NEK11: variants seen among roughly 807,000 people sequenced by gnomAD.
NEK11 encodes the protein NIMA related kinase 11.
NEK11 carries 72 observed loss-of-function variants against 80.7 expected under a neutral mutation model. That is an observed-to-expected ratio of 0.89 (90% CI 0.74 to 1.08). The LOEUF is 1.08. Among genes scored for constraint, NEK11 ranks in the 50% least tolerant of loss-of-function variants. The probability of loss-of-function intolerance (pLI) is 0.00; values close to 1 mark genes in which losing one functional copy is unlikely to be tolerated. For synonymous variants in NEK11, 251 were observed against 260.7 expected (o/e 0.96, Z 0.36); for missense variants, 764 against 763.6 (o/e 1.00, Z -0.01).
chr3:131,046,940 T>C (rs2067489686), intron 3 of NEK11, among the ~76,000 whole-genome samples: 1 of 152,204 alleles, frequency 6.6e-6, no homozygotes, highest in African/African-American at 2.4e-5. Context: ...TATTCTTTGG[T>C]TTGGTTGTTT....
intron 17 of NEK11, among the ~76,000 whole-genome samples, chr3:131,281,921 T>G (rs1299574103): frequency 6.6e-6 from 1 of 152,216 alleles, no homozygotes; most frequent in Non-Finnish European, 1.5e-5. Context: ...TTTTCATGTC[T>G]TACAGCAAAC....
chr3:131,192,311 T>C (rs1262951404), intron 14 of NEK11, among the ~76,000 whole-genome samples: 1 of 152,096 alleles, frequency 6.6e-6, no homozygotes, highest in African/African-American at 2.4e-5. Flanking sequence ...TGTGGTGAAA[T>C]TGGAACCCTT....
chr3:131,166,021 A>G (rs1287262976), intron 12 of NEK11, among the ~76,000 whole-genome samples: 1 of 152,192 alleles, frequency 6.6e-6, no homozygotes, highest in Admixed American at 6.5e-5. Context: ...TTCACATGAA[A>G]TGACCCCAAA....
chr3:131,109,425 A>G (rs1398738165), intron 4 of NEK11: 1 of 155,866 alleles, frequency 6.4e-6, no homozygotes, highest in East Asian at 1.9e-4. Context: ...TTCCTTAGAG[A>G]TTGGGAGACA....
intron 4 of NEK11, among the ~76,000 whole-genome samples, chr3:131,090,670 T>A (rs986219461): frequency 6.6e-6 from 1 of 152,220 alleles, no homozygotes; most frequent in Non-Finnish European, 1.5e-5. Flanking sequence ...AAAACTGTAT[T>A]TCTTTGTTGT....
intron 16 of NEK11, among the ~76,000 whole-genome samples, chr3:131,255,346 A>T (rs2095797262): frequency 6.6e-6 from 1 of 152,176 alleles, no homozygotes; most frequent in African/African-American, 2.4e-5. Flanking sequence ...GAGTAGTAAT[A>T]ACACATACCC....
chr3:131,349,441 T>G (rs970180071), intron 17 of NEK11, 116 bp from the exon 18 acceptor site: 5 of 857,270 alleles, frequency 5.8e-6, no homozygotes, highest in Non-Finnish European at 8.9e-6. Flanking sequence ...TTCTTCCCCC[T>G]TTTTTTCTAA....
intron 7 of NEK11, among the ~76,000 whole-genome samples, chr3:131,144,554 A>G (rs911380285): frequency 6.6e-6 from 1 of 152,182 alleles, no homozygotes; most frequent in Non-Finnish European, 1.5e-5. Context: ...TATAGTCACC[A>G]TATGTATTTT....
intron 17 of NEK11, among the ~76,000 whole-genome samples, chr3:131,293,695 G>T (rs2096567128): frequency 6.6e-6 from 1 of 151,996 alleles, no homozygotes; most frequent in East Asian, 1.9e-4. Context: ...TTAAGTGTTT[G>T]GTAGAAGCAA....
chr3:131,180,239 G>A (rs2093272580), intron 14 of NEK11, among the ~76,000 whole-genome samples: 1 of 152,182 alleles, frequency 6.6e-6, no homozygotes. Flanking sequence ...GGGAAGTACA[G>A]TCTTTCCTGT....
intron 17 of NEK11, among the ~76,000 whole-genome samples, chr3:131,301,019 A>AT (rs886152105): frequency 2.0e-5 from 3 of 152,034 alleles, no homozygotes; most frequent in Non-Finnish European, 4.4e-5. Context: ...AGTATGAAAT[A>AT]TTTTTTCTAT....
intron 15 of NEK11, among the ~76,000 whole-genome samples, chr3:131,236,831 A>G (rs1035365401): frequency 6.6e-6 from 1 of 152,226 alleles, no homozygotes; most frequent in African/African-American, 2.4e-5. Context: ...GCTAAACGGC[A>G]TCTTCTGCCT....
At chr3:131,178,745 G>A (rs1335612089) in intron 14 of NEK11, among the ~76,000 whole-genome samples, 1 of 152,092 alleles carries the variant, frequency 6.6e-6, no homozygotes, top group Non-Finnish European at 1.5e-5. Context: ...ATGTAAAGTA[G>A]TAACATAATT....
At chr3:131,262,970 G>A (rs537654559) in intron 16 of NEK11, among the ~76,000 whole-genome samples, 16 of 152,040 alleles carry the variant, frequency 1.1e-4, no homozygotes, top group South Asian at 4.2e-4. Context: ...AGTTTCATCC[G>A]TCTCCCTGCA....
intron 14 of NEK11, among the ~76,000 whole-genome samples, chr3:131,212,965 C>T (rs1005338796): frequency 6.6e-6 from 1 of 152,166 alleles, no homozygotes; most frequent in African/African-American, 2.4e-5. Context: ...GAGTGGGCCT[C>T]ATCCAATCAG....
intron 5 of NEK11, among the ~76,000 whole-genome samples, chr3:131,126,969 T>TG (rs1376533649): frequency 2.1e-5 from 3 of 141,804 alleles, no homozygotes; most frequent in East Asian, 4.0e-4. Context: ...CTTTTTTTTT[T>TG]TTTTTTTTTT....
At chr3:131,172,698 C>A (rs1011865131) in intron 14 of NEK11, among the ~76,000 whole-genome samples, 1 of 152,156 alleles carries the variant, frequency 6.6e-6, no homozygotes, top group Non-Finnish European at 1.5e-5. Context: ...AGAACCAGAG[C>A]GACTCCATCT....
At chr3:131,194,464 C>T (rs187217123) in intron 14 of NEK11, among the ~76,000 whole-genome samples, 37 of 152,206 alleles carry the variant, frequency 2.4e-4, no homozygotes, top group Admixed American at 1.3e-3. Context: ...CCTATAAATT[C>T]AGAACTTGGA....
rs199505800 is a variant in NEK11 at position 131,056,410 on chromosome 3, C to T, written c.171-24013C>T. Among the ~76,000 whole-genome samples, 16 of 152,282 alleles carry T rather than the reference C, an allele frequency of 1.1e-4. No homozygotes were observed. In the East Asian group the frequency reaches 2.7e-3, roughly 26 times the overall value. On this transcript the variant is annotated intron_variant, in intron 3 of 17. Coordinates refer to ENST00000383366, the MANE Select transcript of NEK11 (RefSeq NM_024800.5). ...TTTATTCCTCTAGCAAGGGTCAGGA[C>T]ACTCACTGTGTTTTTCCCTTATCAT...
Sources: gnomAD v4.1 joint callset for allele counts (sites outside exome capture counted in the v4.1 genomes callset) on GRCh38, gnomAD v4.1.1 for gene constraint, MANE v1.5 for transcripts, NCBI Gene and HGNC (gene_info 2026-07-23, HGNC 2026-07-21) for gene names.